The following PDE9A variants were observed in gnomAD, a reference collection of about 807,000 sequenced individuals.
PDE9A encodes the protein phosphodiesterase 9A, also known as high affinity cGMP-specific 3',5'-cyclic phosphodiesterase 9A.
In PDE9A, 60 loss-of-function variants were observed where a neutral mutation model predicts 87.4. The observed-to-expected ratio is 0.69, with a 90% CI of 0.56 to 0.85. The LOEUF is 0.85. Among genes scored for constraint, PDE9A ranks in the 40% least tolerant of loss-of-function variants. The probability of loss-of-function intolerance (pLI) is 0.00; values close to 1 mark genes in which losing one functional copy is unlikely to be tolerated. For synonymous variants in PDE9A, 272 were observed against 279.4 expected (o/e 0.97, Z 0.27); for missense variants, 665 against 779.0 (o/e 0.85, Z 1.74).
At chr21:42,745,687 G>A (rs556186770) in intron 8 of PDE9A, among the ~76,000 whole-genome samples, 2 of 152,376 alleles carry the variant, frequency 1.3e-5, no homozygotes, top group South Asian at 4.1e-4. Flanking sequence ...AGGTGCCATG[G>A]CTGCTTTGGC....
At chr21:42,721,140 C>T (rs976683643) in intron 4 of PDE9A, among the ~76,000 whole-genome samples, 1 of 152,082 alleles carries the variant, frequency 6.6e-6, no homozygotes. Flanking sequence ...CTAGCTGCCC[C>T]AGATGCTGCC....
At chr21:42,761,527 GCT>G (rs544214874) in intron 13 of PDE9A, among the ~76,000 whole-genome samples, 68 of 152,342 alleles carry the variant, frequency 4.5e-4, no homozygotes, top group Middle Eastern at 3.4e-3. Context: ...TGGCGCAGCA[GCT>G]CTCTCTGTTG....
At chr21:42,751,255 G>C in intron 9 of PDE9A, 58 bp downstream of exon 9, 3 of 1,216,476 alleles carry the variant, frequency 2.5e-6, no homozygotes, top group African/African-American at 1.5e-5. Flanking sequence ...CCCACGCCCA[G>C]CCCTGTGGCC....
At chr21:42,743,566 C>T (rs1343237716) in intron 7 of PDE9A, among the ~76,000 whole-genome samples, 1 of 152,178 alleles carries the variant, frequency 6.6e-6, no homozygotes, top group Non-Finnish European at 1.5e-5. Context: ...GGCCACGGCA[C>T]ATGCCTGCGA....
chr21:42,754,287 G>T (rs971426071), intron 10 of PDE9A, among the ~76,000 whole-genome samples: 2 of 152,204 alleles, frequency 1.3e-5, no homozygotes, highest in Admixed American at 6.5e-5. Flanking sequence ...TTCTGTGAGT[G>T]GGGGAGACGG....
At chr21:42,661,328 C>CTTT (rs538086640) in intron 1 of PDE9A, among the ~76,000 whole-genome samples, 78 of 142,228 alleles carry the variant, frequency 5.5e-4, no homozygotes, top group African/African-American at 1.9e-3. Flanking sequence ...CACGCCCAGC[C>CTTT]TTTTTTTTTT....
At chr21:42,735,640 C>T (rs1034891781) in intron 7 of PDE9A, among the ~76,000 whole-genome samples, 2 of 152,200 alleles carry the variant, frequency 1.3e-5, no homozygotes, top group African/African-American at 4.8e-5. Context: ...ATGACATTCT[C>T]CCAGGATGTC....
chr21:42,742,980 T>C (rs2053476304), intron 7 of PDE9A, among the ~76,000 whole-genome samples: 1 of 152,206 alleles, frequency 6.6e-6, no homozygotes, highest in Non-Finnish European at 1.5e-5. Context: ...TGGCTGTTAG[T>C]CTCGTCCCCA....
Position 42,759,559 on chromosome 21 carries a change from G to T in PDE9A, c.897+474G>T, listed in dbSNP as rs2055456228. Reference sequence around the variant, plus strand: ...GTGTGTGTGAGTGTGGGGTGTGGGTGTGAGCATGGGGGTATCTGAGTTTAC... The same window carrying T: ...GTGTGTGTGAGTGTGGGGTGTGGGTTTGAGCATGGGGGTATCTGAGTTTAC... On this transcript the variant is annotated intron_variant, in intron 11 of 19. Coordinates refer to ENST00000291539, the MANE Select transcript of PDE9A (RefSeq NM_002606.3). This position sits in a 1 kb window ranked among gnomAD's most constrained non-coding sequence, Gnocchi z 7.2. Among the ~76,000 whole-genome samples, 1 of 151,184 alleles carries T rather than the reference G, an allele frequency of 6.6e-6. No individual in the cohort carries two copies. Among genetic ancestry groups the T allele is most frequent in the Non-Finnish European group, 1.5e-5 (1 of 67,728 alleles).
chr21:42,726,782 G>A (rs2051164771), intron 4 of PDE9A, among the ~76,000 whole-genome samples: 1 of 150,230 alleles, frequency 6.7e-6, no homozygotes, highest in Non-Finnish European at 1.5e-5. Flanking sequence ...TATAATTTCA[G>A]TGTCTACATG....
intron 4 of PDE9A, among the ~76,000 whole-genome samples, chr21:42,706,910 C>T (rs1462642092): frequency 2.6e-5 from 4 of 152,130 alleles, no homozygotes; most frequent in African/African-American, 7.2e-5. Context: ...AGGCTCCCCG[C>T]GTTGTGGCAT....
rs961403734 is a variant in PDE9A, at chr21:42,660,878, C to G, written c.69+6995C>G. ...CCATCCCTGACTGCCTGTCTCCCCC[C>G]TCACCCTGACCACATCTCCCCAAAT... On this transcript the variant is annotated intron_variant, in intron 1 of 19. Coordinates refer to ENST00000291539, the MANE Select transcript of PDE9A (RefSeq NM_002606.3). The surrounding 1 kb of genome is among the most constrained non-coding windows in gnomAD (Gnocchi z 4.7). 2.0e-5 allele frequency among the ~76,000 whole-genome samples: 3 copies of G among 152,114 alleles called. No homozygotes were observed. The highest frequency in any genetic ancestry group is 6.5e-5 in the Admixed American group (1 of 15,274).
chr21:42,701,943 A>G (rs915020566), intron 4 of PDE9A, among the ~76,000 whole-genome samples: 3 of 152,024 alleles, frequency 2.0e-5, no homozygotes, highest in African/African-American at 7.3e-5. Context: ...GGTTTGCAGG[A>G]ATTTGATTAT....
intron 8 of PDE9A, among the ~76,000 whole-genome samples, chr21:42,747,322 TG>T (rs1256847374): frequency 1.4e-5 from 1 of 70,134 alleles, no homozygotes; most frequent in Non-Finnish European, 3.0e-5. Flanking sequence ...AGGGTGGGGG[TG>T]GGGGGCCTTC....
chr21:42,742,916 C>G (rs549272501), intron 7 of PDE9A, among the ~76,000 whole-genome samples: 5 of 152,294 alleles, frequency 3.3e-5, no homozygotes, highest in Admixed American at 3.3e-4. Flanking sequence ...TAGGGAGGGT[C>G]AGAATCTCGT....
rs530330528 is a variant in PDE9A at position 42,682,446 on chromosome 21, G to A, written c.70-3746G>A. Among the ~76,000 whole-genome samples, 3 of 152,318 alleles carry A rather than the reference G, an allele frequency of 2.0e-5. No individual in the cohort carries two copies. In the South Asian group the frequency reaches 6.2e-4, roughly 32 times the overall value. On this transcript the variant is annotated intron_variant, in intron 1 of 19. Coordinates refer to ENST00000291539, the MANE Select transcript of PDE9A (RefSeq NM_002606.3). The stretch of plus-strand genomic sequence containing the variant: ...CCCCCTAGGTGTGGCATCCTTGCTT[G>A]CATAGAGGTGGCAAGAGTGCCACCA...
chr21:42,717,405 C>T (rs962431907), intron 4 of PDE9A, among the ~76,000 whole-genome samples: 1 of 148,572 alleles, frequency 6.7e-6, no homozygotes, highest in Non-Finnish European at 1.5e-5. Flanking sequence ...ATTCTCCTGC[C>T]TCAGCCTCCC....
chr21:42,759,293 C>A lies in PDE9A; in HGVS notation c.897+208C>A, dbSNP rs945464321. Among the ~76,000 whole-genome samples the A allele has an allele frequency of 1.3e-5, 2 of 152,174 alleles. No homozygotes were observed. On this transcript the variant is annotated intron_variant, in intron 11 of 19. Coordinates refer to ENST00000291539, the MANE Select transcript of PDE9A (RefSeq NM_002606.3). The surrounding 1 kb of genome is among the most constrained non-coding windows in gnomAD (Gnocchi z 7.2). The stretch of plus-strand genomic sequence containing the variant: ...AAACCTTCTTTACGCCCGAGCTACT[C>A]CTGCTCTGATAAGCAAGGAGTAGCT...
At chr21:42,682,239 C>G (rs2146113792) in intron 1 of PDE9A, among the ~76,000 whole-genome samples, 1 of 152,318 alleles carries the variant, frequency 6.6e-6, no homozygotes. Flanking sequence ...ATCCAAGAAC[C>G]CTAAATGTAT....
Sources: gnomAD v4.1 joint callset for allele counts (sites outside exome capture counted in the v4.1 genomes callset) on GRCh38, gnomAD v4.1.1 for gene constraint, Gnocchi (gnomAD v3.1) non-coding constraint, MANE v1.5 for transcripts, NCBI Gene and HGNC (gene_info 2026-07-23, HGNC 2026-07-21) for gene names.